Variants in TMEM132D observed in about 807,000 individuals in gnomAD.
TMEM132D encodes the protein transmembrane protein 132D, also known as mature OL transmembrane protein.
TMEM132D carries 21 observed loss-of-function variants against 62.3 expected under a neutral mutation model. That is an observed-to-expected ratio of 0.34 (90% CI 0.24 to 0.49). TMEM132D has a LOEUF of 0.49. Ranked by LOEUF, TMEM132D falls within the 20% of genes least tolerant of loss-of-function variation. The probability of loss-of-function intolerance (pLI) is 0.99; values close to 1 mark genes in which losing one functional copy is unlikely to be tolerated. For synonymous variants in TMEM132D, 621 were observed against 575.6 expected, an observed-to-expected ratio of 1.08 and a Z score of -1.13; for missense variants, 1,346 against 1,402.8, an observed-to-expected ratio of 0.96 and a Z score of 0.65.
chr12:129,623,775 A>T (rs1879143474), intron 2 of TMEM132D, among the ~76,000 whole-genome samples: 1 of 149,810 alleles, frequency 6.7e-6, no homozygotes, highest in Admixed American at 6.7e-5. Context: ...ATATATACAC[A>T]TATATATATA....
intron 5 of TMEM132D, chr12:129,110,422 T>C (rs528860508): frequency 3.3e-5 from 5 of 152,232 alleles, no homozygotes; most frequent in South Asian, 4.1e-4. Context: ...CTATTAACCT[T>C]GAGTGAGTCA....
intron 4 of TMEM132D, among the ~76,000 whole-genome samples, chr12:129,325,175 C>T (rs962953594): frequency 3.3e-5 from 5 of 152,150 alleles, no homozygotes; most frequent in Non-Finnish European, 5.9e-5. Context: ...GAGCTTCTGC[C>T]GCGGGATGGA....
intron 4 of TMEM132D, among the ~76,000 whole-genome samples, chr12:129,287,748 G>C (rs965446875): frequency 6.6e-6 from 1 of 152,148 alleles, no homozygotes; most frequent in Non-Finnish European, 1.5e-5. Context: ...GTTAAAAAAG[G>C]TTGATCTTTT....
intron 1 of TMEM132D, among the ~76,000 whole-genome samples, chr12:129,785,522 C>A (rs1871226945): frequency 6.6e-6 from 1 of 152,228 alleles, no homozygotes; most frequent in Non-Finnish European, 1.5e-5. Context: ...TCCCTCACTT[C>A]ACAAATTTGT....
At chr12:129,118,673 G>T (rs1243219836) in intron 5 of TMEM132D, among the ~76,000 whole-genome samples, 1 of 152,178 alleles carries the variant, frequency 6.6e-6, no homozygotes, top group Non-Finnish European at 1.5e-5. Flanking sequence ...ATCAAAAAAA[G>T]ATCTTTAGTG....
intron 1 of TMEM132D, among the ~76,000 whole-genome samples, chr12:129,881,205 T>A (rs1286729758): frequency 3.3e-5 from 5 of 151,974 alleles, no homozygotes; most frequent in Non-Finnish European, 7.4e-5. Flanking sequence ...CAAAATACAT[T>A]CAGCCACAAC....
At chr12:129,388,076 G>A (rs80315003) in intron 3 of TMEM132D, among the ~76,000 whole-genome samples, 4,045 of 63,676 alleles carry the variant, frequency 0.064, 143 homozygotes, top group African/African-American at 0.13. Context: ...TCCTAATATA[G>A]ACACTAACAG....
intron 1 of TMEM132D, among the ~76,000 whole-genome samples, chr12:129,884,362 T>C (rs565376342): frequency 6.6e-6 from 1 of 152,302 alleles, no homozygotes; most frequent in Admixed American, 6.5e-5. Context: ...ATGTATATGG[T>C]TTAAAGACTT....
At chr12:129,626,153 G>A (rs1320882009) in intron 2 of TMEM132D, among the ~76,000 whole-genome samples, 1 of 152,002 alleles carries the variant, frequency 6.6e-6, no homozygotes, top group Non-Finnish European at 1.5e-5. Context: ...AAGCTCAGCA[G>A]GTTCTTCTCT....
chr12:129,261,066 T>C (rs960696400), intron 4 of TMEM132D, among the ~76,000 whole-genome samples: 1 of 152,262 alleles, frequency 6.6e-6, no homozygotes, highest in Non-Finnish European at 1.5e-5. Flanking sequence ...GGTCTACTTT[T>C]AGTTCTTTAA....
intron 5 of TMEM132D, among the ~76,000 whole-genome samples, chr12:129,161,154 C>T (rs1360272073): frequency 6.6e-6 from 1 of 152,158 alleles, no homozygotes; most frequent in African/African-American, 2.4e-5. Flanking sequence ...TGTATGGAAA[C>T]ACATCTGAGG....
intron 5 of TMEM132D, among the ~76,000 whole-genome samples, chr12:129,174,503 T>C (rs1374453584): frequency 2.6e-5 from 4 of 152,236 alleles, no homozygotes; most frequent in Non-Finnish European, 5.9e-5. Context: ...GTTGGTTCCA[T>C]GACTTTGCTA....
At chr12:129,636,517 T>C (rs1444123713) in intron 2 of TMEM132D, among the ~76,000 whole-genome samples, 1 of 152,082 alleles carries the variant, frequency 6.6e-6, no homozygotes, top group Non-Finnish European at 1.5e-5. Flanking sequence ...CCTGAGCTAG[T>C]TTGTGTAGGT....
intron 5 of TMEM132D, among the ~76,000 whole-genome samples, chr12:129,134,105 G>A (rs781303269): frequency 8.5e-6 from 1 of 118,326 alleles, no homozygotes; most frequent in Non-Finnish European, 1.8e-5. Context: ...TGTGTGTTGT[G>A]TGTCTGTGTG....
intron 2 of TMEM132D, among the ~76,000 whole-genome samples, chr12:129,682,509 T>C (rs2137209442): frequency 6.6e-6 from 1 of 152,232 alleles, no homozygotes; most frequent in Admixed American, 6.5e-5. Flanking sequence ...ATGCCATTTC[T>C]CCTGATAATT....
intron 3 of TMEM132D, among the ~76,000 whole-genome samples, chr12:129,513,812 AT>A (rs1386057608): frequency 1.9e-5 from 2 of 103,692 alleles, no homozygotes; most frequent in African/African-American, 8.1e-5. Context: ...ATTTTTATTT[AT>A]TTATTTATTT....
At chr12:129,810,671 AATC>A (rs1237091735) in intron 1 of TMEM132D, among the ~76,000 whole-genome samples, 1 of 152,214 alleles carries the variant, frequency 6.6e-6, no homozygotes, top group Non-Finnish European at 1.5e-5. Context: ...AAGTTAAAAA[AATC>A]TAAGTAAGTT....
rs144843780 is a variant in TMEM132D, at chr12:129,265,755, C to T, written c.1300-56092G>A. Among the ~76,000 whole-genome samples, 46 of 152,146 alleles carry T rather than the reference C, an allele frequency of 3.0e-4. 1 individual carries two copies. In the East Asian group the frequency reaches 8.8e-3, roughly 29 times the overall value. ...CTCTTTCCCCAGAAATCCACATGCT[C>T]AGTCCCTCTCTTCCTTCACATGTCA... is the stretch of plus-strand genomic sequence containing the variant. On this transcript the variant is annotated intron_variant, in intron 4 of 8. Coordinates refer to ENST00000422113, the MANE Select transcript of TMEM132D (RefSeq NM_133448.3).
In TMEM132D at chr12:129,271,806, A is replaced by C. The variant is rs752443392; in HGVS notation, c.1300-62143T>G. Among the ~76,000 whole-genome samples, 8 of 151,952 alleles carry C rather than the reference A, an allele frequency of 5.3e-5. 1 individual carries two copies. The highest frequency in any genetic ancestry group is 3.4e-3 in the Middle Eastern group (1 of 294). On this transcript the variant is annotated intron_variant, in intron 4 of 8. Transcript: ENST00000422113. ...GTGCCACATTTTCTTTATCAAGTCT[A>C]TCATTGATGGGCATTTAGGTTGCTT... is the stretch of plus-strand genomic sequence containing the variant.
Sources: gnomAD v4.1 joint callset for allele counts (sites outside exome capture counted in the v4.1 genomes callset) on GRCh38, gnomAD v4.1.1 for gene constraint, MANE v1.5 for transcripts, NCBI Gene and HGNC (gene_info 2026-07-23, HGNC 2026-07-21) for gene names.